The following CSMD1 variants were observed in gnomAD, a reference collection of about 807,000 sequenced individuals.
The protein encoded by CSMD1 is CUB and Sushi multiple domains 1.
CSMD1 carries 213 observed loss-of-function variants against 417.5 expected under a neutral mutation model. The ratio of observed to expected loss-of-function variants is 0.51; its 90% CI spans 0.46 to 0.57. CSMD1 has a LOEUF of 0.57. CSMD1 is among the 20% of genes least tolerant of loss of function. The pLI is 0.00. For synonymous variants in CSMD1, 2,862 were observed against 1,736.8 expected (o/e 1.65, Z -16.11); for missense variants, 6,923 against 4,529.7 (o/e 1.53, Z -15.17).
intron 2 of CSMD1, among the ~76,000 whole-genome samples, chr8:4,442,024 C>G (rs995842397): frequency 1.3e-5 from 2 of 152,132 alleles, no homozygotes; most frequent in African/African-American, 2.4e-5. Flanking sequence ...TATGTCCCCC[C>G]GCTTTTTTCT....
chr8:3,786,931 A>T (rs535464781), intron 5 of CSMD1, among the ~76,000 whole-genome samples: 11 of 152,102 alleles, frequency 7.2e-5, no homozygotes, highest in African/African-American at 2.4e-4. Flanking sequence ...GAGGATTTCA[A>T]CCCAGGAATT....
chr8:4,000,274 C>G lies in CSMD1; in HGVS notation c.611-2164G>C, dbSNP rs147106045. ...CACCACTGTGCAAGCACACACACTT[C>G]CCTGGTCAACTGAGAACCAGCTGCA... On this transcript the variant is annotated intron_variant, in intron 4 of 69. Transcript: ENST00000635120. 3.3e-3 allele frequency among the ~76,000 whole-genome samples: 508 copies of G among 152,118 alleles called. 8 individuals are homozygous for G. The highest frequency in any genetic ancestry group is 0.023 in the East Asian group (116 of 5,148).
chr8:4,170,723 T>C (rs1797722053), intron 3 of CSMD1, among the ~76,000 whole-genome samples: 1 of 151,870 alleles, frequency 6.6e-6, no homozygotes, highest in Non-Finnish European at 1.5e-5. Context: ...CATGTGGATT[T>C]TTTTTTTTCT....
intron 1 of CSMD1, among the ~76,000 whole-genome samples, chr8:4,873,337 G>A (rs930915594): frequency 6.6e-6 from 1 of 152,102 alleles, no homozygotes; most frequent in Non-Finnish European, 1.5e-5. Flanking sequence ...AGTGAGATAT[G>A]TGTGTTTGGT....
At chr8:2,990,323 A>G (rs919499995) in intron 54 of CSMD1, among the ~76,000 whole-genome samples, 1 of 152,152 alleles carries the variant, frequency 6.6e-6, no homozygotes. Flanking sequence ...AGTTAACGTG[A>G]TTGTTTCAGC....
At chr8:4,970,618 G>T (rs2117379556) in intron 1 of CSMD1, among the ~76,000 whole-genome samples, 1 of 152,048 alleles carries the variant, frequency 6.6e-6, no homozygotes, top group African/African-American at 2.4e-5. Flanking sequence ...TCTTTACAAT[G>T]ATAGGAAGCT....
At chr8:3,624,018 C>T (rs564082460) in intron 7 of CSMD1, among the ~76,000 whole-genome samples, 1 of 151,974 alleles carries the variant, frequency 6.6e-6, no homozygotes, top group Admixed American at 6.6e-5. Context: ...TGTACTCTGG[C>T]CATAATTACC....
At chr8:3,846,518 A>G (rs945305671) in intron 5 of CSMD1, among the ~76,000 whole-genome samples, 3 of 152,248 alleles carry the variant, frequency 2.0e-5, no homozygotes, top group Non-Finnish European at 4.4e-5. Context: ...AGTATTTCAC[A>G]GGAATGGTGG....
At chr8:4,644,819 G>A (rs1388304861) in intron 1 of CSMD1, among the ~76,000 whole-genome samples, 2 of 152,228 alleles carry the variant, frequency 1.3e-5, no homozygotes, top group East Asian at 3.9e-4. Flanking sequence ...TTCCAAGAGT[G>A]AAGATAATGA....
intron 3 of CSMD1, among the ~76,000 whole-genome samples, chr8:4,084,088 A>G (rs1003604452): frequency 7.2e-5 from 11 of 152,226 alleles, no homozygotes; most frequent in African/African-American, 2.7e-4. Context: ...ATGGCTAGTA[A>G]TATTTGTCTT....
intron 18 of CSMD1, among the ~76,000 whole-genome samples, chr8:3,374,704 G>A (rs1191977158): frequency 2.0e-5 from 3 of 152,252 alleles, no homozygotes; most frequent in Admixed American, 6.5e-5. Context: ...AGGGTGCCCC[G>A]AGACAGGCTG....
chr8:4,119,417 G>A (rs372334348), intron 3 of CSMD1, among the ~76,000 whole-genome samples: 1 of 152,174 alleles, frequency 6.6e-6, no homozygotes, highest in South Asian at 2.1e-4. Context: ...TAGAAATCAA[G>A]TCACAGGATG....
intron 26 of CSMD1, among the ~76,000 whole-genome samples, chr8:3,246,360 G>A (rs1023394600): frequency 2.0e-5 from 3 of 152,018 alleles, no homozygotes; most frequent in African/African-American, 7.2e-5. Flanking sequence ...TCCTTATTTG[G>A]GTCACCCTGA....
intron 3 of CSMD1, among the ~76,000 whole-genome samples, chr8:4,321,539 T>C (rs1405349900): frequency 1.3e-5 from 2 of 152,150 alleles, no homozygotes; most frequent in Non-Finnish European, 2.9e-5. Context: ...GGGATGAGTA[T>C]CTGGTATATC....
At chr8:3,208,710 T>A (rs1240163162) in intron 30 of CSMD1, among the ~76,000 whole-genome samples, 3 of 152,264 alleles carry the variant, frequency 2.0e-5, no homozygotes. Flanking sequence ...CCACCCTTAA[T>A]TTGGGTGGGC....
At chr8:3,298,784 A>T (rs1804162313) in intron 25 of CSMD1, among the ~76,000 whole-genome samples, 1 of 152,232 alleles carries the variant, frequency 6.6e-6, no homozygotes, top group African/African-American at 2.4e-5. Flanking sequence ...CAAATTTGGC[A>T]AAACTCTTCT....
At chr8:3,550,353 G>C (rs1027200920) in intron 10 of CSMD1, among the ~76,000 whole-genome samples, 3 of 152,024 alleles carry the variant, frequency 2.0e-5, no homozygotes, top group Non-Finnish European at 4.4e-5. Flanking sequence ...CTACTCCAGG[G>C]CCTTGACCCC....
intron 7 of CSMD1, among the ~76,000 whole-genome samples, chr8:3,672,819 C>T (rs186864777): frequency 6.9e-4 from 105 of 152,308 alleles, no homozygotes; most frequent in South Asian, 1.2e-3. Flanking sequence ...TCCAGCAGCA[C>T]ATTACCATGG....
intron 5 of CSMD1, among the ~76,000 whole-genome samples, chr8:3,961,778 T>A (rs1008287389): frequency 2.6e-5 from 4 of 152,216 alleles, no homozygotes; most frequent in Admixed American, 2.0e-4. Flanking sequence ...TCAGCTTTGA[T>A]AATGGTGCAC....
Sources: gnomAD v4.1 joint callset for allele counts (sites outside exome capture counted in the v4.1 genomes callset) on GRCh38, gnomAD v4.1.1 for gene constraint, MANE v1.5 for transcripts, NCBI Gene and HGNC (gene_info 2026-07-23, HGNC 2026-07-21) for gene names.